The following NBEAL1 variants were observed in gnomAD, a reference collection of about 807,000 sequenced individuals.
NBEAL1 encodes the protein neurobeachin like 1.
Under a neutral mutation model 351.3 loss-of-function variants are expected in NBEAL1, and 273 were observed. That is an observed-to-expected ratio of 0.78 (90% CI 0.70 to 0.86). The LOEUF (loss-of-function observed/expected upper bound fraction) is 0.86. Ranked by LOEUF, NBEAL1 falls within the 40% of genes least tolerant of loss-of-function variation. The pLI is 0.00. For synonymous variants in NBEAL1, 1,050 were observed against 1,086.4 expected (o/e 0.97, Z 0.66); for missense variants, 2,961 against 3,201.3 (o/e 0.92, Z 1.81).
rs773679994 is a variant in NBEAL1 at position 203,062,357 on chromosome 2, T to C, written c.515+4904T>C. ...GGAAAAATCCAGCAACGCCCACTCC[T>C]GAGGGGTGAAGGTTACAGCCACATC... On this transcript the variant is annotated intron_variant, in intron 6 of 55. Transcript: ENST00000683969. This position sits in a 1 kb window ranked among gnomAD's most constrained non-coding sequence, Gnocchi z 4.2. The C allele has an allele frequency of 8.2e-6, 4 of 486,480 alleles. No homozygotes were observed. Among genetic ancestry groups the C allele is most frequent in the East Asian group, 1.2e-4 (2 of 17,282 alleles). The allele number at this position is 486,480 out of a possible 1,614,324, so 30.1% of individuals were successfully genotyped here. A position where few individuals can be genotyped will look rare whatever the true frequency, so the allele number is the denominator to read the frequency against.
Position 203,062,277 on chromosome 2 carries a change from A to G in NBEAL1, c.515+4824A>G, listed in dbSNP as rs573203434. ...TCTGGTCTTCCCATTTGTTTTCTGT[A>G]GAAGCCAAATTCCTGAAGGTTTCCT... On this transcript the variant is annotated intron_variant, in intron 6 of 55. Coordinates refer to ENST00000683969, the MANE Select transcript of NBEAL1 (RefSeq NM_001378026.1). The surrounding 1 kb of genome is among the most constrained non-coding windows in gnomAD (Gnocchi z 4.2). 6.6e-5 allele frequency: 31 copies of G among 466,220 alleles called. No homozygotes were observed. Among genetic ancestry groups the G allele is most frequent in the Admixed American group, 6.0e-4 (26 of 43,138 alleles). The allele number at this position is 466,220 out of a possible 1,614,324, so 28.9% of individuals were successfully genotyped here. A position where few individuals can be genotyped will look rare whatever the true frequency, so the allele number is the denominator to read the frequency against.
intron 2 of NBEAL1, among the ~76,000 whole-genome samples, chr2:203,029,216 C>T (rs1375906736): frequency 6.6e-5 from 10 of 152,132 alleles, no homozygotes; most frequent in Non-Finnish European, 1.2e-4. Flanking sequence ...TCTCAAACTC[C>T]TGGCCTCAAG....
intron 7 of NBEAL1, among the ~76,000 whole-genome samples, chr2:203,071,737 A>G (rs1415720010): frequency 6.6e-6 from 1 of 152,214 alleles, no homozygotes; most frequent in East Asian, 1.9e-4. Context: ...GTGAAAACAA[A>G]TAAGTTATAT....
intron 55 of NBEAL1, among the ~76,000 whole-genome samples, chr2:203,216,241 A>G (rs1236071203): frequency 6.6e-6 from 1 of 152,196 alleles, no homozygotes; most frequent in Non-Finnish European, 1.5e-5. Context: ...TCCTGCCTTC[A>G]AGGGGCTTAT....
Position 203,220,476 on chromosome 2 carries a change from T to A in NBEAL1, c.*3122T>A, listed in dbSNP as rs2065942700. Reference sequence around the variant, plus strand: ...TCCAGCCTGGGCAACAGGGCAAGACTCCATCTCAAAAAAAAAAAAAGTCTG... The same window carrying A: ...TCCAGCCTGGGCAACAGGGCAAGACACCATCTCAAAAAAAAAAAAAGTCTG... On this transcript the variant is annotated 3_prime_UTR_variant, in exon 56 of 56. Coordinates refer to ENST00000683969, the MANE Select transcript of NBEAL1 (RefSeq NM_001378026.1). Among the ~76,000 whole-genome samples, 1 of 150,928 alleles carries A rather than the reference T, an allele frequency of 6.6e-6. No individual in the cohort carries two copies.
At chr2:203,109,813 C>T (rs537744466) in intron 14 of NBEAL1, among the ~76,000 whole-genome samples, 126 of 152,268 alleles carry the variant, frequency 8.3e-4, no homozygotes, top group African/African-American at 2.8e-3. Flanking sequence ...AGCCACCGCG[C>T]CTGGCCTATA....
intron 47 of NBEAL1, among the ~76,000 whole-genome samples, chr2:203,195,005 G>T (rs960140616): frequency 6.6e-6 from 1 of 151,976 alleles, no homozygotes; most frequent in African/African-American, 2.4e-5. Context: ...AGACCATCCT[G>T]GCTAACATGG....
chr2:203,102,710 A>G lies in NBEAL1; in HGVS notation c.1269+2998A>G, dbSNP rs537581951. ...GATGTGCTGCTGGATTCTGTTTGCT[A>G]ATGTTTTGTTGAAGATTTTTGCATC... On this transcript the variant is annotated intron_variant, in intron 12 of 55. Coordinates refer to ENST00000683969, the MANE Select transcript of NBEAL1 (RefSeq NM_001378026.1). Among the ~76,000 whole-genome samples, 7 of 152,216 alleles carry G rather than the reference A, an allele frequency of 4.6e-5. No individual in the cohort carries two copies. In the South Asian group the frequency reaches 1.5e-3, roughly 32 times the overall value.
At chr2:203,119,859 T>G (rs554197922) in intron 18 of NBEAL1, among the ~76,000 whole-genome samples, 1 of 152,346 alleles carries the variant, frequency 6.6e-6, no homozygotes, top group South Asian at 2.1e-4. Context: ...TTTGTTATTA[T>G]AACTTAGTTG....
chr2:203,063,277 C>T, intron 6 of NBEAL1, among the ~76,000 whole-genome samples: 1 of 151,652 alleles, frequency 6.6e-6, no homozygotes, highest in Non-Finnish European at 1.5e-5. Context: ...GAGTGTAAGA[C>T]CCCATCTAGA....
intron 45 of NBEAL1, 141 bp from the exon 46 acceptor site, chr2:203,190,151 G>T (rs1575107406): frequency 1.7e-5 from 7 of 422,720 alleles, no homozygotes; most frequent in East Asian, 4.3e-5. Flanking sequence ...AAAAAAAAAA[G>T]ATGTGTGTAC....
At chr2:203,020,614 T>C (rs1574854479) in intron 2 of NBEAL1, among the ~76,000 whole-genome samples, 1 of 148,934 alleles carries the variant, frequency 6.7e-6, no homozygotes, top group Admixed American at 6.8e-5. Context: ...GAGGTTGCAG[T>C]GAGCCGAGAT....
At position 203,173,327 on chromosome 2, in the gene NBEAL1, A is replaced by G. The variant is rs16839587; in HGVS notation, c.6323+474A>G. 3.1e-3 allele frequency among the ~76,000 whole-genome samples: 466 copies of G among 152,262 alleles called. 11 individuals are homozygous for G. In the East Asian group the frequency reaches 0.065, roughly 21 times the overall value. On this transcript the variant is annotated intron_variant, in intron 41 of 55. Coordinates refer to ENST00000683969, the MANE Select transcript of NBEAL1 (RefSeq NM_001378026.1). ...ATTTTGATAAGAAGAAGAAGATTTTATAGTTCTGTTTATGATCTACCCTGT... is the reference window on the plus strand; with the variant it reads ...ATTTTGATAAGAAGAAGAAGATTTTGTAGTTCTGTTTATGATCTACCCTGT...
chr2:203,120,329 G>T (rs2062801242), intron 18 of NBEAL1, among the ~76,000 whole-genome samples: 1 of 152,090 alleles, frequency 6.6e-6, no homozygotes, highest in Non-Finnish European at 1.5e-5. Flanking sequence ...TTGAATCCTG[G>T]AGTTAGAACC....
In NBEAL1 at chr2:203,193,896, G is replaced by A; in HGVS notation, c.7023G>A (p.Lys2341=). The A allele has an allele frequency of 6.2e-7, 1 of 1,604,422 alleles. No individual in the cohort carries two copies. The highest frequency in any genetic ancestry group is 8.5e-7 in the Non-Finnish European group (1 of 1,173,262). The stretch of plus-strand genomic sequence containing the variant: ...TGTTTCAACACCTTCCTGAACTCAA[G>A]TCATTTTTTATAGAGGTAATATCCT... The part of the protein sequence containing the change: ...LNLFQHLPEL[K]SFFIEGISDG... The change falls in exon 47 of 56, where the codon AAG becomes AAA. Residue 2341 remains lysine (K), a synonymous_variant. Transcript: ENST00000683969.
chr2:203,031,134 C>T (rs1320952462), intron 2 of NBEAL1, among the ~76,000 whole-genome samples: 1 of 152,200 alleles, frequency 6.6e-6, no homozygotes, highest in Non-Finnish European at 1.5e-5. Flanking sequence ...ACCAGGTTCT[C>T]ATTGTTTTGA....
At chr2:203,193,549 A>G (rs1431270674) in intron 46 of NBEAL1, among the ~76,000 whole-genome samples, 1 of 152,184 alleles carries the variant, frequency 6.6e-6, no homozygotes, top group Non-Finnish European at 1.5e-5. Context: ...AAAAGAGAAT[A>G]ATACATTCTG....
chr2:203,068,891 G>A (rs549690054), intron 7 of NBEAL1, among the ~76,000 whole-genome samples: 42 of 152,084 alleles, frequency 2.8e-4, no homozygotes, highest in African/African-American at 9.4e-4. Context: ...CACCACACCC[G>A]GCTCATTTTT....
intron 4 of NBEAL1, among the ~76,000 whole-genome samples, chr2:203,054,211 A>C (rs986812854): frequency 6.6e-6 from 1 of 152,154 alleles, no homozygotes; most frequent in African/African-American, 2.4e-5. Context: ...GGATCACTTG[A>C]GGTCAGGAGT....
Sources: allele counts gnomAD v4.1 joint callset (sites outside exome capture counted in the v4.1 genomes callset), GRCh38; gene constraint gnomAD v4.1.1; non-coding constraint Gnocchi (gnomAD v3.1); transcripts MANE v1.5; gene names NCBI Gene and HGNC (gene_info 2026-07-23, HGNC 2026-07-21).